CNTNAP2: variants seen among roughly 807,000 people sequenced by gnomAD.
CNTNAP2 encodes the protein contactin-associated protein-like 2.
In CNTNAP2, 98 loss-of-function variants were observed where a neutral mutation model predicts 155.2. The ratio of observed to expected loss-of-function variants is 0.63; its 90% CI spans 0.54 to 0.75. The LOEUF (loss-of-function observed/expected upper bound fraction) is 0.75. Ranked by LOEUF, CNTNAP2 falls within the 30% of genes least tolerant of loss-of-function variation. The pLI is 0.00. For synonymous variants in CNTNAP2, 651 were observed against 631.2 expected (o/e 1.03, Z -0.47); for missense variants, 1,727 against 1,688.1 (o/e 1.02, Z -0.40).
intron 1 of CNTNAP2, among the ~76,000 whole-genome samples, chr7:146,153,752 G>A (rs1446717635): frequency 2.0e-5 from 3 of 152,206 alleles, no homozygotes; most frequent in Admixed American, 6.5e-5. Context: ...GTTTCTTCTG[G>A]TTAATCTCTT....
intron 13 of CNTNAP2, among the ~76,000 whole-genome samples, chr7:147,840,207 G>T (rs1318791980): frequency 6.6e-6 from 1 of 151,964 alleles, no homozygotes; most frequent in Admixed American, 6.6e-5. Context: ...TATCTAATGG[G>T]TACAATGTAC....
intron 20 of CNTNAP2, among the ~76,000 whole-genome samples, chr7:148,256,564 T>C (rs1449750864): frequency 1.3e-5 from 2 of 152,086 alleles, no homozygotes; most frequent in Non-Finnish European, 1.5e-5. Context: ...TGACCTTCCA[T>C]AGAGGACAGT....
intron 1 of CNTNAP2, among the ~76,000 whole-genome samples, chr7:146,505,208 C>A (rs1160492878): frequency 6.6e-6 from 1 of 152,168 alleles, no homozygotes; most frequent in Admixed American, 6.5e-5. Context: ...CAAGACATCC[C>A]CTGCTGCTGC....
At chr7:148,138,736 G>T (rs1193037670) in intron 16 of CNTNAP2, among the ~76,000 whole-genome samples, 4 of 152,132 alleles carry the variant, frequency 2.6e-5, no homozygotes, top group Non-Finnish European at 5.9e-5. Flanking sequence ...CTTCCAAAAT[G>T]GGTACTGTCT....
At chr7:148,314,889 G>A (rs1428320054) in intron 21 of CNTNAP2, among the ~76,000 whole-genome samples, 2 of 152,206 alleles carry the variant, frequency 1.3e-5, no homozygotes, top group Non-Finnish European at 2.9e-5. Context: ...ACCGGTGCCG[G>A]AGTTTTGGGT....
chr7:146,562,386 A>G (rs1798293320), intron 1 of CNTNAP2, among the ~76,000 whole-genome samples: 1 of 152,182 alleles, frequency 6.6e-6, no homozygotes, highest in African/African-American at 2.4e-5. Flanking sequence ...CTAAAAAATT[A>G]AAAAGGTTAG....
chr7:147,673,031 A>G (rs1156795369), intron 13 of CNTNAP2: 1 of 152,164 alleles, frequency 6.6e-6, no homozygotes, highest in Non-Finnish European at 1.5e-5. Flanking sequence ...TTTTTCATTA[A>G]CAGTCATTTT....
rs78103776 is a variant in CNTNAP2, at chr7:148,183,601, C to T, written c.3010+11123C>T. Reference sequence around the variant, plus strand: ...GGCTCAAGTGATCCTCCCACCTTGGCCCCCAGAGTAGCTGGGACTATAGGC... The same window carrying T: ...GGCTCAAGTGATCCTCCCACCTTGGTCCCCAGAGTAGCTGGGACTATAGGC... On this transcript the variant is annotated intron_variant, in intron 18 of 23. Coordinates refer to ENST00000361727, the MANE Select transcript of CNTNAP2 (RefSeq NM_014141.6). Among the ~76,000 whole-genome samples the T allele has an allele frequency of 2.6e-3, 390 of 150,796 alleles. 10 individuals carry two copies. In the East Asian group the frequency reaches 0.058, roughly 23 times the overall value.
At chr7:146,289,092 C>T (rs1399132655) in intron 1 of CNTNAP2, among the ~76,000 whole-genome samples, 1 of 152,124 alleles carries the variant, frequency 6.6e-6, no homozygotes, top group Non-Finnish European at 1.5e-5. Flanking sequence ...GCATGAGCCA[C>T]CGCGCCCTGG....
intron 2 of CNTNAP2, among the ~76,000 whole-genome samples, chr7:146,805,068 C>A (rs1802943210): frequency 6.6e-6 from 1 of 152,162 alleles, no homozygotes; most frequent in South Asian, 2.1e-4. Context: ...AGACTTTGGG[C>A]ATAGTGGCCA....
At chr7:147,994,920 T>C (rs1801775680) in intron 15 of CNTNAP2, among the ~76,000 whole-genome samples, 1 of 152,194 alleles carries the variant, frequency 6.6e-6, no homozygotes, top group Admixed American at 6.5e-5. Context: ...GGAACTGCTA[T>C]AGTTGTACTC....
At chr7:146,520,825 TTG>T (rs1353897480) in intron 1 of CNTNAP2, among the ~76,000 whole-genome samples, 1 of 151,744 alleles carries the variant, frequency 6.6e-6, no homozygotes, top group Non-Finnish European at 1.5e-5. Flanking sequence ...CAGAAATGAG[TTG>T]TGTTACTCTA....
At chr7:147,434,818 A>C (rs1169893700) in intron 10 of CNTNAP2, among the ~76,000 whole-genome samples, 2 of 152,218 alleles carry the variant, frequency 1.3e-5, no homozygotes, top group African/African-American at 4.8e-5. Flanking sequence ...TGCGCAGACT[A>C]AGCTGTGCAG....
At chr7:146,568,455 T>C (rs1299909360) in intron 1 of CNTNAP2, among the ~76,000 whole-genome samples, 1 of 152,238 alleles carries the variant, frequency 6.6e-6, no homozygotes, top group Non-Finnish European at 1.5e-5. Flanking sequence ...ACTGATCGTA[T>C]AGGATTATCA....
At chr7:146,338,048 C>G (rs1801308864) in intron 1 of CNTNAP2, among the ~76,000 whole-genome samples, 1 of 152,124 alleles carries the variant, frequency 6.6e-6, no homozygotes, top group South Asian at 2.1e-4. Flanking sequence ...TCAACCCTCT[C>G]ACCATCATCT....
intron 1 of CNTNAP2, among the ~76,000 whole-genome samples, chr7:146,693,841 A>G (rs1200240497): frequency 6.6e-6 from 1 of 152,044 alleles, no homozygotes; most frequent in Admixed American, 6.6e-5. Context: ...CTAGGTATTA[A>G]GCATAGCATG....
chr7:146,549,289 A>G (rs1412860905), intron 1 of CNTNAP2, among the ~76,000 whole-genome samples: 2 of 152,136 alleles, frequency 1.3e-5, no homozygotes, highest in East Asian at 3.9e-4. Context: ...GATATTTTTA[A>G]TATTTCAAGT....
At chr7:147,047,597 G>T (rs530041959) in intron 4 of CNTNAP2, among the ~76,000 whole-genome samples, 10 of 152,044 alleles carry the variant, frequency 6.6e-5, no homozygotes, top group African/African-American at 2.4e-4. Flanking sequence ...TTATTTTTGA[G>T]GTGACATTTT....
chr7:147,293,413 T>C (rs1234345139), intron 8 of CNTNAP2, among the ~76,000 whole-genome samples: 1 of 152,168 alleles, frequency 6.6e-6, no homozygotes, highest in Non-Finnish European at 1.5e-5. Flanking sequence ...GCATGGCATA[T>C]TTATATGAAA....
Sources: gnomAD v4.1 joint callset for allele counts (sites outside exome capture counted in the v4.1 genomes callset) on GRCh38, gnomAD v4.1.1 for gene constraint, MANE v1.5 for transcripts, NCBI Gene and HGNC (gene_info 2026-07-23, HGNC 2026-07-21) for gene names.